METAP2: variants seen among roughly 807,000 people sequenced by gnomAD.
METAP2 encodes the protein methionyl aminopeptidase 2.
In METAP2, 25 loss-of-function variants were observed where a neutral mutation model predicts 59.4. That is an observed-to-expected ratio of 0.42 (90% CI 0.31 to 0.59). The LOEUF (loss-of-function observed/expected upper bound fraction) is 0.59, where lower values mean the gene tolerates loss of function less well. METAP2 is among the 20% of genes least tolerant of loss of function. The pLI is 0.16. For missense variants in METAP2, 366 were observed against 581.2 expected (o/e 0.63, Z 3.81); for synonymous variants, 214 against 194.1 (o/e 1.10, Z -0.85).
intron 8 of METAP2, among the ~76,000 whole-genome samples, chr12:95,504,735 C>G (rs949315394): frequency 5.9e-5 from 9 of 152,208 alleles, no homozygotes; most frequent in Non-Finnish European, 2.9e-5. Context: ...AACTACTGAG[C>G]TCAAGCGATC....
rs1253907367 is a variant in METAP2, at chr12:95,495,041, C to A, written c.675C>A (p.Leu225=). Residue 225 remains leucine, a synonymous_variant, in exon 6 of 11, where the codon CTC becomes CTA. Coordinates refer to ENST00000323666, the MANE Select transcript of METAP2 (RefSeq NM_006838.4). The stretch of plus-strand genomic sequence containing the variant: ...TGGCATTTCCTACTGGATGTTCTCT[C>A]AATAATTGTGCTGCCCATTATACTC... ...AGLAFPTGCS[L]NNCAAHYTPN... 4 of 1,613,474 alleles carry A rather than the reference C, an allele frequency of 2.5e-6. No homozygotes were observed. The highest frequency in any genetic ancestry group is 3.4e-6 in the Non-Finnish European group (4 of 1,179,488).
chr12:95,477,222 C>G (rs553039402), intron 2 of METAP2, among the ~76,000 whole-genome samples: 1 of 152,154 alleles, frequency 6.6e-6, no homozygotes, highest in East Asian at 1.9e-4. Context: ...CTCAGCCTCC[C>G]GAGTAGCTGG....
At position 95,514,974 on chromosome 12, in the gene METAP2, G is replaced by A. The variant is rs200929517; in HGVS notation, c.*1070G>A. 4 of 152,550 alleles carry A rather than the reference G, an allele frequency of 2.6e-5. No homozygotes were observed. The highest frequency in any genetic ancestry group is 4.1e-4 in the South Asian group (2 of 4,826). 9.4% of individuals were successfully genotyped at this position (152,550 alleles called of 1,614,324 possible). On this transcript the variant is annotated 3_prime_UTR_variant, in exon 11 of 11. Transcript: ENST00000323666. ...CTAAGTGTATTAAGTTGAATGTAAC[G>A]ATGGTAATATTAATTTGTTTGAACT...
chr12:95,476,532 A>AAGAG (rs1565773053), intron 2 of METAP2, among the ~76,000 whole-genome samples: 1 of 130,852 alleles, frequency 7.6e-6, no homozygotes, highest in African/African-American at 3.1e-5. Context: ...GAAAGAAAGA[A>AAGAG]AGAAAGAAAA....
intron 7 of METAP2, among the ~76,000 whole-genome samples, chr12:95,498,893 T>A (rs1432363312): frequency 6.6e-6 from 1 of 151,920 alleles, no homozygotes; most frequent in East Asian, 1.9e-4. Context: ...TGCACCCTTG[T>A]GGTCCCAGCT....
intron 4 of METAP2, among the ~76,000 whole-genome samples, chr12:95,488,476 T>G (rs2076213676): frequency 7.9e-6 from 1 of 127,196 alleles, no homozygotes. Context: ...ACCACTGCAC[T>G]ACACCCTGGG....
chr12:95,481,451 T>C (rs1033510523), intron 2 of METAP2, among the ~76,000 whole-genome samples: 1 of 152,134 alleles, frequency 6.6e-6, no homozygotes, highest in Non-Finnish European at 1.5e-5. Flanking sequence ...CTATGAAGAA[T>C]ATGCTGGGAT....
intron 8 of METAP2, among the ~76,000 whole-genome samples, chr12:95,508,275 T>C (rs983768686): frequency 1.3e-5 from 2 of 152,188 alleles, no homozygotes; most frequent in African/African-American, 4.8e-5. Flanking sequence ...TCATTTCCAG[T>C]GTGCTTTTCT....
intron 4 of METAP2, among the ~76,000 whole-genome samples, chr12:95,488,713 T>G (rs1458711626): frequency 6.6e-6 from 1 of 152,146 alleles, no homozygotes; most frequent in Admixed American, 6.5e-5. Context: ...CTGAATTGAA[T>G]GACCACCTTT....
At chr12:95,480,150 A>G (rs1379516331) in intron 2 of METAP2, among the ~76,000 whole-genome samples, 1 of 152,132 alleles carries the variant, frequency 6.6e-6, no homozygotes, top group Non-Finnish European at 1.5e-5. Flanking sequence ...ATTATTCGGT[A>G]TGTAGTTTTT....
chr12:95,490,009 T>A (rs1309754836), intron 4 of METAP2, among the ~76,000 whole-genome samples: 2 of 152,200 alleles, frequency 1.3e-5, no homozygotes, highest in Non-Finnish European at 2.9e-5. Context: ...TATTGTCATA[T>A]ACAAATAACA....
intron 6 of METAP2, among the ~76,000 whole-genome samples, chr12:95,495,723 CTGTTTA>C (rs2076271433): frequency 6.6e-6 from 1 of 152,082 alleles, no homozygotes; most frequent in Non-Finnish European, 1.5e-5. Context: ...CATTTTGTTT[CTGTTTA>C]TATGTTTGTA....
Position 95,484,831 on chromosome 12 carries a change from G to T in METAP2, c.326-1048G>T, listed in dbSNP as rs2076184178. The T allele has an allele frequency of 1.5e-5, 7 of 455,324 alleles. No individual in the cohort carries two copies. The Admixed American group carries it at 1.6e-4, about 11-fold the overall frequency. The allele number at this position is 455,324 out of a possible 1,614,324, so 28.2% of individuals were successfully genotyped here. A position where few individuals can be genotyped will look rare whatever the true frequency, so the allele number is the denominator to read the frequency against. On this transcript the variant is annotated intron_variant, in intron 3 of 10. Coordinates refer to ENST00000323666, the MANE Select transcript of METAP2 (RefSeq NM_006838.4). ...TTTTTTTAATGTTGGCTACTAAAGGGCTTAGAGCCAAATGTGTGGTTTTTG... is the reference window on the plus strand; with the variant it reads ...TTTTTTTAATGTTGGCTACTAAAGGTCTTAGAGCCAAATGTGTGGTTTTTG...
At chr12:95,477,077 A>G (rs1175844879) in intron 2 of METAP2, among the ~76,000 whole-genome samples, 1 of 151,778 alleles carries the variant, frequency 6.6e-6, no homozygotes, top group African/African-American at 2.4e-5. Flanking sequence ...CTAGTGCCTG[A>G]CTGCACGTTT....
At chr12:95,496,823 T>TTC (rs2076279003) in intron 7 of METAP2, among the ~76,000 whole-genome samples, 4 of 117,752 alleles carry the variant, frequency 3.4e-5, no homozygotes, top group Admixed American at 2.3e-4. Flanking sequence ...TTTTCTTTCT[T>TTC]TTTTTTTTTT....
At chr12:95,490,019 A>G (rs974859348) in intron 4 of METAP2, among the ~76,000 whole-genome samples, 1 of 152,184 alleles carries the variant, frequency 6.6e-6, no homozygotes, top group African/African-American at 2.4e-5. Context: ...TACAAATAAC[A>G]TTCCATTTTC....
intron 3 of METAP2, 85 bp downstream of exon 3, chr12:95,483,365 A>C (rs2076173181): frequency 9.7e-7 from 1 of 1,029,726 alleles, no homozygotes; most frequent in Admixed American, 2.0e-5. Context: ...GATCCCAGCT[A>C]CTCCGGAGGC....
rs767229829 is a variant in METAP2, at chr12:95,513,952, G to A, written c.*48G>A. The A allele has an allele frequency of 1.7e-5, 26 of 1,557,422 alleles. No individual in the cohort carries two copies. Among genetic ancestry groups the A allele is most frequent in the Admixed American group, 5.7e-5 (3 of 52,634 alleles). ...CACCTTTATTTTCTGAGCTTTGTTGGAAAACATGATACCAGAATTAATTTG... is the reference window on the plus strand; with the variant it reads ...CACCTTTATTTTCTGAGCTTTGTTGAAAAACATGATACCAGAATTAATTTG... On this transcript the variant is annotated 3_prime_UTR_variant, in exon 11 of 11. Coordinates refer to ENST00000323666, the MANE Select transcript of METAP2 (RefSeq NM_006838.4).
chr12:95,487,493 C>T (rs2076205895), intron 4 of METAP2, among the ~76,000 whole-genome samples: 1 of 151,872 alleles, frequency 6.6e-6, no homozygotes, highest in African/African-American at 2.4e-5. Flanking sequence ...CTTAAAAGCA[C>T]TTATTTTTAA....
Sources: allele counts gnomAD v4.1 joint callset (sites outside exome capture counted in the v4.1 genomes callset), GRCh38; gene constraint gnomAD v4.1.1; transcripts MANE v1.5; gene names NCBI Gene and HGNC (gene_info 2026-07-23, HGNC 2026-07-21).